Variants in MAML3 observed in about 807,000 individuals in gnomAD.
The protein encoded by MAML3 is mastermind-like protein 3.
In MAML3, 27 loss-of-function variants were observed where a neutral mutation model predicts 101.9. The ratio of observed to expected loss-of-function variants is 0.27; its 90% confidence interval spans 0.20 to 0.37. The LOEUF (loss-of-function observed/expected upper bound fraction) is 0.37, where lower values mean the gene tolerates loss of function less well. Ranked by LOEUF, MAML3 falls within the 10% of genes least tolerant of loss-of-function variation. MAML3 has a pLI of 1.00. For missense variants in MAML3, 1,316 were observed against 1,444.9 expected, an observed-to-expected ratio of 0.91 and a Z score of 1.45; for synonymous variants, 501 against 555.9, an observed-to-expected ratio of 0.90 and a Z score of 1.39.
intron 1 of MAML3, among the ~76,000 whole-genome samples, chr4:140,143,119 G>A (rs1321108068): frequency 6.6e-6 from 1 of 152,156 alleles, no homozygotes; most frequent in Non-Finnish European, 1.5e-5. Context: ...CCATTTACAT[G>A]TCTAATAAGA....
At chr4:139,729,665 A>G (rs552083079) in intron 3 of MAML3, among the ~76,000 whole-genome samples, 3 of 152,292 alleles carry the variant, frequency 2.0e-5, no homozygotes, top group Admixed American at 1.3e-4. Flanking sequence ...TTTCCCTAGG[A>G]TAATGCTAAG....
chr4:139,851,306 C>T (rs1353802392), intron 2 of MAML3, among the ~76,000 whole-genome samples: 38 of 152,244 alleles, frequency 2.5e-4, no homozygotes, highest in Admixed American at 2.5e-3. Flanking sequence ...GCATGTTTGA[C>T]ATCACAGATA....
intron 2 of MAML3, among the ~76,000 whole-genome samples, chr4:139,854,603 G>C (rs963263269): frequency 6.6e-6 from 1 of 151,716 alleles, no homozygotes; most frequent in Non-Finnish European, 1.5e-5. Flanking sequence ...TTCTTGGATA[G>C]TCTCAAGCTG....
At chr4:139,721,102 C>T (rs371851882) in intron 4 of MAML3, among the ~76,000 whole-genome samples, 1 of 152,232 alleles carries the variant, frequency 6.6e-6, no homozygotes, top group African/African-American at 2.4e-5. Context: ...ATAAACTTTA[C>T]GCATTTCTAC....
chr4:139,730,916 T>C, intron 2 of MAML3: 1 of 562,482 alleles, frequency 1.8e-6, no homozygotes, highest in Non-Finnish European at 3.2e-6. Flanking sequence ...GTCCAGTCTG[T>C]TTCGGATGGG....
intron 1 of MAML3, among the ~76,000 whole-genome samples, chr4:140,116,083 T>C (rs954725129): frequency 6.6e-5 from 10 of 152,206 alleles, no homozygotes; most frequent in African/African-American, 2.4e-4. Flanking sequence ...TTCCCTTTTT[T>C]AAAAAAGATT....
intron 2 of MAML3, among the ~76,000 whole-genome samples, chr4:139,746,345 T>G (rs549345845): frequency 6.6e-6 from 1 of 152,378 alleles, no homozygotes; most frequent in East Asian, 1.9e-4. Context: ...TGATTGAAGT[T>G]AAGAATACCT....
intron 2 of MAML3, among the ~76,000 whole-genome samples, chr4:139,837,946 C>T (rs80071615): frequency 0.017 from 2,500 of 146,322 alleles, 40 homozygotes; most frequent in African/African-American, 0.047. Context: ...AAAATATATA[C>T]ATATATATTT....
intron 1 of MAML3, chr4:140,134,488 A>G (rs760017958): frequency 2.5e-4 from 99 of 392,362 alleles, no homozygotes; most frequent in Non-Finnish European, 5.1e-5. Flanking sequence ...CTCCACTTAA[A>G]AACATTTTTT....
intron 2 of MAML3, among the ~76,000 whole-genome samples, chr4:139,820,795 C>CT (rs770995015): frequency 8.6e-5 from 13 of 151,362 alleles, no homozygotes; most frequent in African/African-American, 1.9e-4. Flanking sequence ...TCATAAAGGT[C>CT]TTTTTTTTTC....
At chr4:140,091,072 CAACA>C (rs142933807) in intron 1 of MAML3, among the ~76,000 whole-genome samples, 142,582 of 151,838 alleles carry the variant, frequency 0.94, 67,570 homozygotes, top group East Asian at 1. Context: ...AAAACAACAA[CAACA>C]AACAACAAAA....
chr4:140,094,827 C>T (rs966485084), intron 1 of MAML3, among the ~76,000 whole-genome samples: 3 of 152,252 alleles, frequency 2.0e-5, no homozygotes, highest in African/African-American at 7.2e-5. Flanking sequence ...CAATAGCTGT[C>T]TCTCTGTGTC....
intron 2 of MAML3, chr4:139,794,189 A>G (rs183192429): frequency 1.3e-5 from 2 of 152,360 alleles, no homozygotes; most frequent in South Asian, 2.1e-4. Flanking sequence ...AGTTACTTCA[A>G]TAAGATGAAC....
At chr4:139,889,048 T>A in intron 2 of MAML3, 1 of 474,356 alleles carries the variant, frequency 2.1e-6, no homozygotes, top group East Asian at 5.3e-5. Flanking sequence ...CCGTGTTTGG[T>A]GGAGTGACCT....
intron 1 of MAML3, among the ~76,000 whole-genome samples, chr4:140,054,078 A>G (rs1210424226): frequency 6.6e-6 from 1 of 152,168 alleles, no homozygotes; most frequent in African/African-American, 2.4e-5. Flanking sequence ...GTTCTGAAAA[A>G]CAGTAACATG....
intron 2 of MAML3, among the ~76,000 whole-genome samples, chr4:139,746,456 C>T (rs1729324067): frequency 6.6e-6 from 1 of 152,126 alleles, no homozygotes; most frequent in Non-Finnish European, 1.5e-5. Flanking sequence ...TTTTCCTACC[C>T]CTTATCAAGA....
intron 1 of MAML3, among the ~76,000 whole-genome samples, chr4:140,051,417 C>T (rs1294834253): frequency 2.0e-5 from 3 of 151,868 alleles, no homozygotes; most frequent in Admixed American, 6.6e-5. Context: ...ATTAGCCAGG[C>T]GTGGTGGTAC....
intron 1 of MAML3, among the ~76,000 whole-genome samples, chr4:139,901,516 G>A (rs1386507810): frequency 1.3e-5 from 2 of 152,192 alleles, no homozygotes; most frequent in Non-Finnish European, 2.9e-5. Flanking sequence ...AAACATGCTT[G>A]TATACATGAC....
intron 2 of MAML3, among the ~76,000 whole-genome samples, chr4:139,768,222 T>TTTTG (rs745658240): frequency 7.3e-6 from 1 of 136,438 alleles, no homozygotes; most frequent in East Asian, 2.2e-4. Context: ...CTGTTGATAG[T>TTTTG]TGTGTGTGTG....
Sources: gnomAD v4.1 joint callset for allele counts (sites outside exome capture counted in the v4.1 genomes callset) on GRCh38, gnomAD v4.1.1 for gene constraint, MANE v1.5 for transcripts, NCBI Gene and HGNC (gene_info 2026-07-23, HGNC 2026-07-21) for gene names.